The following ZNF558 variants were observed in gnomAD, a reference collection of about 807,000 sequenced individuals.
ZNF558 encodes the protein zinc finger protein 558.
ZNF558 carries 23 observed loss-of-function variants against 37.6 expected under a neutral mutation model. That is an observed-to-expected ratio of 0.61 (90% CI 0.44 to 0.87). The LOEUF (loss-of-function observed/expected upper bound fraction) is 0.87. ZNF558 is among the 40% of genes least tolerant of loss of function. The probability of loss-of-function intolerance (pLI) is 0.00; values close to 1 mark genes in which losing one functional copy is unlikely to be tolerated. For synonymous variants in ZNF558, 189 were observed against 174.4 expected (o/e 1.08, Z -0.66); for missense variants, 429 against 483.7 (o/e 0.89, Z 1.06).
At chr19:8,831,827 T>C (rs1440073465) in intron 1 of ZNF558, among the ~76,000 whole-genome samples, 2 of 152,174 alleles carry the variant, frequency 1.3e-5, no homozygotes, top group Admixed American at 6.5e-5. Context: ...TAATTCTTTG[T>C]TGTGGGGGAC....
chr19:8,827,341 T>C (rs1388827668), intron 2 of ZNF558, among the ~76,000 whole-genome samples: 4 of 152,190 alleles, frequency 2.6e-5, no homozygotes, highest in Non-Finnish European at 5.9e-5. Flanking sequence ...AGCAATCATC[T>C]GATTCCTAAA....
chr19:8,814,879 G>A (rs189836), intron 7 of ZNF558, among the ~76,000 whole-genome samples: 130,083 of 152,218 alleles, frequency 0.85, 56,021 homozygotes, highest in African/African-American at 0.96. Flanking sequence ...TATTCTAACA[G>A]GAGTTTACAA....
chr19:8,837,935 G>T, the ZNF558 span, among the ~76,000 whole-genome samples: 1 of 151,960 alleles, frequency 6.6e-6, no homozygotes, highest in Admixed American at 6.6e-5. Context: ...AGACAGCAAG[G>T]CTGAAATTCT....
At chr19:8,830,186 C>T (rs545739567) in intron 2 of ZNF558, among the ~76,000 whole-genome samples, 387 of 152,216 alleles carry the variant, frequency 2.5e-3, no homozygotes, top group Non-Finnish European at 3.9e-3. Flanking sequence ...ACGTGCCTTG[C>T]TTTCCCTTTG....
At position 8,822,745 on chromosome 19, in the gene ZNF558, C is replaced by A; in HGVS notation, c.-65-21G>T. On this transcript the variant is annotated intron_variant, in intron 4 of 9. Coordinates refer to ENST00000601372, the MANE Select transcript of ZNF558 (RefSeq NM_144693.3). This position sits in a 1 kb window ranked among gnomAD's most constrained non-coding sequence, Gnocchi z 4.4. ...GCGCTCTGGAAGAAACGGGAATGCT[C>A]CAAGTCTCCGTGGCCTCCTCCCTCT... is the stretch of plus-strand genomic sequence containing the variant. 6.2e-7 allele frequency: 1 copy of A among 1,604,540 alleles called. No homozygotes were observed.
At chr19:8,834,356 C>A (rs1304417151), upstream of ZNF558, among the ~76,000 whole-genome samples, 4 of 151,540 alleles carry the variant, frequency 2.6e-5, no homozygotes, top group East Asian at 7.8e-4. Flanking sequence ...ACGCCTGTAA[C>A]CCCAGCACTT....
At chr19:8,825,133 C>A (rs2044202150) in intron 2 of ZNF558, 25 bp from the exon 3 acceptor site, 1 of 152,196 alleles carries the variant, frequency 6.6e-6, no homozygotes, top group South Asian at 2.1e-4. Context: ...GTGCTGATGT[C>A]AAGCAAACCT....
At chr19:8,836,504 T>C (rs998226524), upstream of ZNF558, among the ~76,000 whole-genome samples, 1 of 150,866 alleles carries the variant, frequency 6.6e-6, no homozygotes, top group Non-Finnish European at 1.5e-5. Flanking sequence ...TTTTTCTTTT[T>C]TTTTGGAGAC....
chr19:8,811,657 G>C lies in ZNF558; in HGVS notation c.833C>G (p.Ser278Cys). The change falls in exon 10 of 10, where the codon TCT becomes TGT. Residue 278 changes from serine (S) to cysteine (C), a missense_variant. Physicochemically the swap from Ser to Cys is moderately radical, Grantham distance 112. Transcript: ENST00000601372. ...ATGAATGCTATTGTGCCCAGTGAGA[G>C]AGGACCTTGTGCTGAAAGCTTTTCC... ...QCGKAFSTRSSLTGHNSIHTG... is the reference protein window; with the variant it reads ...QCGKAFSTRSCLTGHNSIHTG... 6.2e-7 allele frequency: 1 copy of C among 1,614,178 alleles called. No homozygotes were observed. The highest frequency in any genetic ancestry group is 8.5e-7 in the Non-Finnish European group (1 of 1,180,026).
In ZNF558 at chr19:8,822,222, C is replaced by A; in HGVS notation, c.32-131G>T. On this transcript the variant is annotated intron_variant, in intron 5 of 9. Coordinates refer to ENST00000601372, the MANE Select transcript of ZNF558 (RefSeq NM_144693.3). This position sits in a 1 kb window ranked among gnomAD's most constrained non-coding sequence, Gnocchi z 4.4. ...ACACAGTGCCCACCTACGCTCCATGCAAACACCTACCCACAGCTCTCCTAA... is the reference window on the plus strand; with the variant it reads ...ACACAGTGCCCACCTACGCTCCATGAAAACACCTACCCACAGCTCTCCTAA... The A allele has an allele frequency of 9.4e-7, 1 of 1,066,038 alleles. No individual in the cohort carries two copies. The highest frequency in any genetic ancestry group is 1.4e-6 in the Non-Finnish European group (1 of 735,774). The allele number at this position is 1,066,038 out of a possible 1,614,324, so 66.0% of individuals were successfully genotyped here.
chr19:8,811,233 G>A lies in ZNF558; in HGVS notation c.*48C>T. ...GTGTGAGCTCTCTCAAACTATCTTA[G>A]GGATGAAAGATCAATGAGTGCTTTC... On this transcript the variant is annotated 3_prime_UTR_variant, in exon 10 of 10. Transcript: ENST00000601372. The A allele has an allele frequency of 6.7e-7, 1 of 1,499,516 alleles. No homozygotes were observed. The highest frequency in any genetic ancestry group is 8.9e-7 in the Non-Finnish European group (1 of 1,118,798). The allele number at this position is 1,499,516 out of a possible 1,614,324, so 92.9% of individuals were successfully genotyped here.
upstream of ZNF558, among the ~76,000 whole-genome samples, chr19:8,835,591 T>TG (rs2044446918): frequency 6.6e-6 from 1 of 152,202 alleles, no homozygotes; most frequent in East Asian, 1.9e-4. Flanking sequence ...GATTGTAAAA[T>TG]GGTGCACCCA....
intron 7 of ZNF558, among the ~76,000 whole-genome samples, chr19:8,820,302 A>G (rs1428475648): frequency 6.6e-6 from 1 of 152,202 alleles, no homozygotes; most frequent in African/African-American, 2.4e-5. Context: ...CATTTAAACA[A>G]AAGCTCGTAC....
At chr19:8,836,523 G>A (rs1000577804), upstream of ZNF558, among the ~76,000 whole-genome samples, 4 of 147,616 alleles carry the variant, frequency 2.7e-5, no homozygotes, top group East Asian at 2.0e-4. Flanking sequence ...ACAGGATCTT[G>A]CTTTGTCACC....
chr19:8,833,551 G>GT (rs556880741), upstream of ZNF558: 2 of 152,366 alleles, frequency 1.3e-5, no homozygotes, highest in South Asian at 4.1e-4. Context: ...ACAAGTCTCT[G>GT]TTTTATACAC....
At position 8,808,390 on chromosome 19, in the gene ZNF558, C is replaced by T. The variant is rs1316479017; in HGVS notation, c.*2891G>A. The T allele has an allele frequency of 4.9e-5, 4 of 80,956 alleles. No individual in the cohort carries two copies. Among genetic ancestry groups the T allele is most frequent in the Non-Finnish European group, 9.5e-5 (4 of 42,086 alleles). The allele number at this position is 80,956 out of a possible 1,614,324, so 5.0% of individuals were successfully genotyped here. On this transcript the variant is annotated 3_prime_UTR_variant, in exon 10 of 10. Transcript: ENST00000601372. ...CTTTGCTATGTAAAAATATCATCTC[C>T]ACATAAAAAGGAATACAGAATACCT...
At chr19:8,812,704 T>A in intron 8 of ZNF558, 61 bp from the exon 9 acceptor site, 1 of 1,093,018 alleles carries the variant, frequency 9.1e-7, no homozygotes, top group Non-Finnish European at 1.3e-6. Flanking sequence ...AGTGTACACA[T>A]GAGTAAAGGC....
Position 8,813,122 on chromosome 19 carries a change from C to T in ZNF558, c.343+5G>A, listed in dbSNP as rs1555768919. The T allele has an allele frequency of 3.2e-6, 5 of 1,577,086 alleles. No homozygotes were observed. The highest frequency in any genetic ancestry group is 4.3e-6 in the Non-Finnish European group (5 of 1,159,212). Reference sequence around the variant, plus strand: ...CACAAGGGCTCATATCCACCTGGTGCTCACCTGGACAGGTGCTTGGTAGAA... The same window carrying T: ...CACAAGGGCTCATATCCACCTGGTGTTCACCTGGACAGGTGCTTGGTAGAA... On this transcript the variant is annotated splice_donor_5th_base_variant and intron_variant, in intron 8 of 9. Transcript: ENST00000601372.
At chr19:8,828,208 AACCT>A (rs748660722) in intron 2 of ZNF558, among the ~76,000 whole-genome samples, 2 of 152,218 alleles carry the variant, frequency 1.3e-5, no homozygotes, top group Non-Finnish European at 2.9e-5. Context: ...AGGTAATAGT[AACCT>A]AAAACAACAG....
Sources: gnomAD v4.1 joint callset for allele counts (sites outside exome capture counted in the v4.1 genomes callset) on GRCh38, gnomAD v4.1.1 for gene constraint, Gnocchi (gnomAD v3.1) non-coding constraint, MANE v1.5 for transcripts, NCBI Gene and HGNC (gene_info 2026-07-23, HGNC 2026-07-21) for gene names.